Variants in MED13L observed in about 807,000 individuals in gnomAD.
MED13L encodes mediator of RNA polymerase II transcription subunit 13-like.
Under a neutral mutation model 220.9 loss-of-function variants are expected in MED13L, and 7 were observed. The observed-to-expected ratio is 0.03, with a 90% confidence interval of 0.02 to 0.06. The LOEUF is 0.06. Ranked by LOEUF, MED13L falls within the 10% of genes least tolerant of loss-of-function variation. The probability of loss-of-function intolerance (pLI) is 1.00; values close to 1 mark genes in which losing one functional copy is unlikely to be tolerated. For synonymous variants in MED13L, 1,011 were observed against 1,015.2 expected (o/e 1.00, Z 0.08); for missense variants, 1,965 against 2,760.5 (o/e 0.71, Z 6.46).
rs539736645 is a variant in MED13L at position 116,050,114 on chromosome 12, A to C, written c.480-27513T>G. Among the ~76,000 whole-genome samples the C allele has an allele frequency of 2.5e-4, 38 of 152,314 alleles. No individual in the cohort carries two copies. In the East Asian group the frequency reaches 6.9e-3, roughly 28 times the overall value. ...CTGTTAAAATGTTCTGTTAAAGCCC[A>C]AAACCATAATTTATAACTAGATTGT... is the stretch of plus-strand genomic sequence containing the variant. On this transcript the variant is annotated intron_variant, in intron 4 of 30. Transcript: ENST00000281928.
Position 115,984,388 on chromosome 12 carries a change from A to C in MED13L, c.4339-16T>G. 6.8e-6 allele frequency: 11 copies of C among 1,613,748 alleles called. No homozygotes were observed. Among genetic ancestry groups the C allele is most frequent in the Non-Finnish European group, 8.5e-6 (10 of 1,179,828 alleles). ...GCCTACACATCTGATATCATAGACA[A>C]GATCATTAGTTATAACAGGAGCCAT... On this transcript the variant is annotated splice_polypyrimidine_tract_variant and intron_variant, in intron 19 of 30. Coordinates refer to ENST00000281928, the MANE Select transcript of MED13L (RefSeq NM_015335.5).
intron 4 of MED13L, among the ~76,000 whole-genome samples, chr12:116,085,482 GTTAGA>G (rs1871577674): frequency 6.6e-6 from 1 of 152,088 alleles, no homozygotes; most frequent in African/African-American, 2.4e-5. Flanking sequence ...TTTGTTTTAT[GTTAGA>G]TTACTTTTCA....
At position 116,017,518 on chromosome 12, in the gene MED13L, C is replaced by T. The variant is rs138886000; in HGVS notation, c.1009+1706G>A. ...TCTCTATGATGATTACTACAAAAGA[C>T]TATGAAAGTTCTTTTTTAGTTTAAT... is the stretch of plus-strand genomic sequence containing the variant. On this transcript the variant is annotated intron_variant, in intron 7 of 30. Coordinates refer to ENST00000281928, the MANE Select transcript of MED13L (RefSeq NM_015335.5). Among the ~76,000 whole-genome samples, 519 of 152,302 alleles carry T rather than the reference C, an allele frequency of 3.4e-3. 6 individuals are homozygous for T. The highest frequency in any genetic ancestry group is 0.02 in the Middle Eastern group (6 of 294).
intron 2 of MED13L, among the ~76,000 whole-genome samples, chr12:116,122,903 G>A (rs1454449759): frequency 6.6e-6 from 1 of 152,134 alleles, no homozygotes; most frequent in Non-Finnish European, 1.5e-5. Flanking sequence ...GAGATAAACT[G>A]TACAAGGCCT....
chr12:116,226,414 T>C (rs1433524445), intron 2 of MED13L, among the ~76,000 whole-genome samples: 2 of 152,178 alleles, frequency 1.3e-5, no homozygotes, highest in African/African-American at 4.8e-5. Context: ...TTGTGCAAAA[T>C]TGTTCAAAAA....
intron 4 of MED13L, among the ~76,000 whole-genome samples, chr12:116,047,232 T>C (rs189212396): frequency 1.9e-4 from 29 of 152,080 alleles, no homozygotes. Context: ...CGCATGCTAG[T>C]AACCCTAGCT....
chr12:116,136,408 TGAGAA>T (rs1458473262), intron 2 of MED13L, among the ~76,000 whole-genome samples: 2 of 152,122 alleles, frequency 1.3e-5, no homozygotes, highest in East Asian at 3.9e-4. Context: ...TCAAGGCTAA[TGAGAA>T]GAGAACACAG....
At chr12:116,199,502 C>T (rs1593157384) in intron 2 of MED13L, among the ~76,000 whole-genome samples, 2 of 152,148 alleles carry the variant, frequency 1.3e-5, no homozygotes, top group East Asian at 3.8e-4. Flanking sequence ...CTTATGCAAG[C>T]TTATCATCTG....
intron 4 of MED13L, among the ~76,000 whole-genome samples, chr12:116,087,028 C>T (rs1480517767): frequency 2.6e-5 from 4 of 152,050 alleles, no homozygotes; most frequent in African/African-American, 7.2e-5. Flanking sequence ...AAACACCTAC[C>T]TTATTTAATG....
chr12:116,225,229 T>C (rs187947912), intron 2 of MED13L, among the ~76,000 whole-genome samples: 2 of 152,316 alleles, frequency 1.3e-5, no homozygotes, highest in African/African-American at 4.8e-5. Flanking sequence ...ATCACTGATA[T>C]TGCTGTATTT....
intron 2 of MED13L, among the ~76,000 whole-genome samples, chr12:116,211,336 C>CA (rs1283738376): frequency 3.9e-5 from 6 of 152,056 alleles, no homozygotes; most frequent in Non-Finnish European, 7.4e-5. Context: ...TAAACAGCCA[C>CA]ATGTGATAAG....
At position 115,997,625 on chromosome 12, in the gene MED13L, T is replaced by C. The variant is rs1878490026; in HGVS notation, c.2570-395A>G. Among the ~76,000 whole-genome samples the C allele has an allele frequency of 3.3e-5, 5 of 152,224 alleles. No homozygotes were observed. In the South Asian group the frequency reaches 1.0e-3, roughly 32 times the overall value. ...TTGGTAGAAACAGGGTTTCACCATG[T>C]TGCCCAGGCTGGTCTCGAACTCCTG... On this transcript the variant is annotated intron_variant, in intron 14 of 30. Transcript: ENST00000281928.
chr12:116,098,305 G>C (rs963425115), intron 3 of MED13L, among the ~76,000 whole-genome samples: 5 of 151,972 alleles, frequency 3.3e-5, no homozygotes, highest in African/African-American at 4.8e-5. Context: ...GGGGGGAAAT[G>C]GGGAAAATGT....
At chr12:116,235,829 T>G (rs1870031267) in intron 2 of MED13L, among the ~76,000 whole-genome samples, 1 of 152,136 alleles carries the variant, frequency 6.6e-6, no homozygotes, top group African/African-American at 2.4e-5. Context: ...TCATTAGCAG[T>G]TGGGTTTGGT....
At chr12:116,085,332 T>C (rs1410448495) in intron 4 of MED13L, among the ~76,000 whole-genome samples, 1 of 152,104 alleles carries the variant, frequency 6.6e-6, no homozygotes, top group Non-Finnish European at 1.5e-5. Flanking sequence ...TGAATAACAC[T>C]GATAAATAAC....
chr12:115,967,509 C>T (rs1426711719), intron 28 of MED13L, among the ~76,000 whole-genome samples: 1 of 152,186 alleles, frequency 6.6e-6, no homozygotes, highest in Non-Finnish European at 1.5e-5. Context: ...GGGAGAAATA[C>T]AGCATACCTC....
At chr12:116,230,463 A>C in intron 2 of MED13L, 4 of 983,930 alleles carry the variant, frequency 4.1e-6, no homozygotes, top group Non-Finnish European at 4.8e-6. Context: ...CCAATCTAAA[A>C]TACTACAAAT....
chr12:116,192,948 C>T (rs1322557807), intron 2 of MED13L, among the ~76,000 whole-genome samples: 7 of 152,132 alleles, frequency 4.6e-5, no homozygotes, highest in African/African-American at 1.2e-4. Flanking sequence ...CTGGCTAACA[C>T]GGTGAAACCG....
intron 1 of MED13L, among the ~76,000 whole-genome samples, chr12:116,241,306 T>TA (rs1231415481): frequency 1.2e-3 from 151 of 127,274 alleles, no homozygotes; most frequent in Middle Eastern, 4.1e-3. Flanking sequence ...TCCGTCTCTT[T>TA]AAAAAAAAAA....
Sources: gnomAD v4.1 joint callset for allele counts (sites outside exome capture counted in the v4.1 genomes callset) on GRCh38, gnomAD v4.1.1 for gene constraint, MANE v1.5 for transcripts, NCBI Gene and HGNC (gene_info 2026-07-23, HGNC 2026-07-21) for gene names.